Variants in CRYBG1 observed in about 807,000 individuals in gnomAD.
CRYBG1 encodes beta/gamma crystallin domain-containing protein 1.
CRYBG1 carries 139 observed loss-of-function variants against 189.2 expected under a neutral mutation model. The observed-to-expected ratio is 0.73, with a 90% CI of 0.64 to 0.85. CRYBG1 has a LOEUF of 0.85. CRYBG1 is among the 40% of genes least tolerant of loss of function. CRYBG1 has a pLI of 0.00. For missense variants in CRYBG1, 2,611 were observed against 2,675.8 expected (o/e 0.98, Z 0.53); for synonymous variants, 1,023 against 1,017.1 (o/e 1.01, Z -0.11).
At chr6:106,423,729 A>G (rs1011361116) in intron 1 of CRYBG1, among the ~76,000 whole-genome samples, 5 of 105,030 alleles carry the variant, frequency 4.8e-5, no homozygotes, top group Non-Finnish European at 7.0e-5. Context: ...TTTTTGAGAC[A>G]AGGTCTCACA....
chr6:106,555,192 GAA>G (rs71012714), intron 16 of CRYBG1, among the ~76,000 whole-genome samples: 112,289 of 143,174 alleles, frequency 0.78, 45,419 homozygotes, highest in Non-Finnish European at 0.88. Flanking sequence ...AGAAAAAAAG[GAA>G]AAAAAAAAAA....
At chr6:106,442,562 G>A (rs781330508) in intron 1 of CRYBG1, among the ~76,000 whole-genome samples, 2 of 152,158 alleles carry the variant, frequency 1.3e-5, no homozygotes, top group Non-Finnish European at 2.9e-5. Flanking sequence ...GTTAGGAGGA[G>A]GTGCTTTTGA....
At position 106,520,590 on chromosome 6, in the gene CRYBG1, G is replaced by C; in HGVS notation, c.3382G>C (p.Ala1128Pro). The C allele has an allele frequency of 3.7e-6, 6 of 1,614,058 alleles. No homozygotes were observed. The highest frequency in any genetic ancestry group is 5.1e-6 in the Non-Finnish European group (6 of 1,179,980). The part of the protein sequence containing the change: ...AVCMPMKRKK[A>P]RMPNSPAPHF... ...TTGTATGCCCATGAAAAGAAAGAAG[G>C]CCAGGATGCCAAACTCTCCTGCTCC... is the stretch of plus-strand genomic sequence containing the variant. Residue 1128 changes from alanine (A) to proline (P), a missense_variant, in exon 4 of 22, where the codon GCC becomes CCC. By Grantham distance (27) the Ala-to-Pro change is conservative (BLOSUM62 -1). This residue lies in a region of CRYBG1 where 1,622 missense variants were observed against 1,735.0 expected (regional missense o/e 0.93). Transcript: ENST00000633556.
intron 1 of CRYBG1, among the ~76,000 whole-genome samples, chr6:106,448,580 A>G (rs1771716353): frequency 6.6e-6 from 1 of 152,214 alleles, no homozygotes; most frequent in Non-Finnish European, 1.5e-5. Flanking sequence ...TACAAGGCCC[A>G]AATTATGAAA....
intron 18 of CRYBG1, among the ~76,000 whole-genome samples, chr6:106,559,234 T>C (rs1422087703): frequency 6.6e-6 from 1 of 152,164 alleles, no homozygotes; most frequent in Non-Finnish European, 1.5e-5. Context: ...GCAAGTCCTC[T>C]GATTTTGGAG....
At chr6:106,363,078 T>C (rs1771910695) in intron 1 of CRYBG1, among the ~76,000 whole-genome samples, 1 of 151,178 alleles carries the variant, frequency 6.6e-6, no homozygotes, top group Non-Finnish European at 1.5e-5. Flanking sequence ...ACCCCGTCTC[T>C]ACTAAAAATA....
chr6:106,441,307 T>C (rs1249841251), intron 1 of CRYBG1, among the ~76,000 whole-genome samples: 1 of 152,208 alleles, frequency 6.6e-6, no homozygotes, highest in Non-Finnish European at 1.5e-5. Context: ...AGCTTGTGAC[T>C]AGCATCTTTG....
intron 10 of CRYBG1, among the ~76,000 whole-genome samples, chr6:106,542,825 T>C (rs2114572360): frequency 7.1e-6 from 1 of 139,876 alleles, no homozygotes; most frequent in African/African-American, 2.7e-5. Context: ...ATTTTTGTAT[T>C]TTTAGCAGAG....
chr6:106,543,581 A>C lies in CRYBG1; in HGVS notation c.5023A>C (p.Lys1675Gln). The C allele has an allele frequency of 6.2e-7, 1 of 1,613,992 alleles. No individual in the cohort carries two copies. The highest frequency in any genetic ancestry group is 8.5e-7 in the Non-Finnish European group (1 of 1,179,906). The change falls in exon 11 of 22, where the codon AAA (lysine) becomes CAA (glutamine). Residue 1675 changes from lysine to glutamine, a missense_variant. Around this residue, in one of 3 missense-constraint regions of CRYBG1, gnomAD observed 1,622 missense variants for 1,735.0 expected, o/e 0.93. Coordinates refer to ENST00000633556, the MANE Select transcript of CRYBG1 (RefSeq NM_001371242.2). The stretch of plus-strand genomic sequence containing the variant: ...GCCGTTTACGTCAGTGGGGTCTATG[A>C]AAGTTCTAAGAGGCATGTAAGTACA... ...HLPFTSVGSM[K>Q]VLRGIWVAYE...
chr6:106,379,008 T>A (rs889636227), intron 1 of CRYBG1, among the ~76,000 whole-genome samples: 1 of 151,946 alleles, frequency 6.6e-6, no homozygotes, highest in Admixed American at 6.6e-5. Context: ...ATAGCCAGGC[T>A]TGGTGGCAGG....
At chr6:106,487,105 G>A (rs183671501) in intron 2 of CRYBG1, among the ~76,000 whole-genome samples, 1 of 151,916 alleles carries the variant, frequency 6.6e-6, no homozygotes, top group Non-Finnish European at 1.5e-5. Flanking sequence ...TGTGATTACC[G>A]TGGGGTTAAC....
intron 2 of CRYBG1, among the ~76,000 whole-genome samples, chr6:106,506,027 A>G (rs1314394884): frequency 6.6e-6 from 1 of 152,224 alleles, no homozygotes; most frequent in Non-Finnish European, 1.5e-5. Flanking sequence ...TTCCTGAGTC[A>G]GATTTGGGCT....
Position 106,543,707 on chromosome 6 carries a change from T to C in CRYBG1, c.5039+110T>C, listed in dbSNP as rs140587876. On this transcript the variant is annotated intron_variant, in intron 11 of 21. Coordinates refer to ENST00000633556, the MANE Select transcript of CRYBG1 (RefSeq NM_001371242.2). ...ATTCCTGATTCTATAGTATGGTGAA[T>C]TTTGACAGTTATATCCACATTCTCC... 2.4e-6 allele frequency: 3 copies of C among 1,228,876 alleles called. No individual in the cohort carries two copies. The Admixed American group carries it at 6.7e-5, about 27-fold the overall frequency. The allele number at this position is 1,228,876 out of a possible 1,614,324, so 76.1% of individuals were successfully genotyped here.
intron 1 of CRYBG1, among the ~76,000 whole-genome samples, chr6:106,391,633 G>A (rs762215405): frequency 6.0e-5 from 9 of 150,872 alleles, no homozygotes; most frequent in Admixed American, 3.3e-4. Context: ...TTCCATTTTT[G>A]AATTACATGT....
chr6:106,541,603 A>G lies in CRYBG1; in HGVS notation c.4863A>G (p.Glu1621=), dbSNP rs1562111623. 1 of 1,611,378 alleles carries G rather than the reference A, an allele frequency of 6.2e-7. No individual in the cohort carries two copies. Among genetic ancestry groups the G allele is most frequent in the Admixed American group, 1.7e-5 (1 of 60,008 alleles). The part of the protein sequence containing the change: ...RPLKMGGRKV[E]FPTDPKVVVY... ...TTTTTCAGGGTGGCCGTAAAGTTGA[A>G]TTCCCTACAGATCCAAAGGTAAAAA... The change falls in exon 10 of 22, where the codon GAA becomes GAG. Residue 1621 remains glutamate (E), a synonymous_variant. Coordinates refer to ENST00000633556, the MANE Select transcript of CRYBG1 (RefSeq NM_001371242.2).
chr6:106,520,017 T>A lies in CRYBG1; in HGVS notation c.2809T>A (p.Ser937Thr). The change falls in exon 4 of 22, where the codon TCC (serine) becomes ACC (threonine). Residue 937 changes from serine to threonine, a missense_variant. Around this residue, in one of 3 missense-constraint regions of CRYBG1, gnomAD observed 1,622 missense variants for 1,735.0 expected, o/e 0.93. Transcript: ENST00000633556. Reference sequence around the variant, plus strand: ...TGGAGGAGAAACAACCCCTCCTTTGTCCACAGAGCGTAGTCCAGAAGCTGT... The same window carrying A: ...TGGAGGAGAAACAACCCCTCCTTTGACCACAGAGCGTAGTCCAGAAGCTGT... ...ELGGETTPPL[S>T]TERSPEAVGS... 1.2e-6 allele frequency: 2 copies of A among 1,614,164 alleles called. No individual in the cohort carries two copies. The highest frequency in any genetic ancestry group is 2.2e-5 in the South Asian group (2 of 91,080).
At chr6:106,430,817 G>A (rs1160625025) in intron 1 of CRYBG1, among the ~76,000 whole-genome samples, 1 of 152,104 alleles carries the variant, frequency 6.6e-6, no homozygotes, top group Non-Finnish European at 1.5e-5. Flanking sequence ...TCAACATGAA[G>A]AGCAGCATGC....
chr6:106,445,359 C>T (rs757475065), intron 1 of CRYBG1, among the ~76,000 whole-genome samples: 4 of 152,128 alleles, frequency 2.6e-5, no homozygotes, highest in African/African-American at 4.8e-5. Flanking sequence ...TGTCATTAGC[C>T]GTGTGACTTT....
At chr6:106,395,979 G>A (rs1770599954) in intron 1 of CRYBG1, among the ~76,000 whole-genome samples, 1 of 152,086 alleles carries the variant, frequency 6.6e-6, no homozygotes, top group South Asian at 2.1e-4. Flanking sequence ...CCCATCCCTG[G>A]ATCCAACCGT....
Sources: gnomAD v4.1 joint callset for allele counts (sites outside exome capture counted in the v4.1 genomes callset) on GRCh38, gnomAD v4.1.1 for gene constraint, gnomAD v4.1.1 regional missense constraint, MANE v1.5 for transcripts, NCBI Gene and HGNC (gene_info 2026-07-23, HGNC 2026-07-21) for gene names.